Variants in ABL1 observed in about 807,000 individuals in gnomAD.
ABL1 encodes ABL proto-oncogene 1, non-receptor tyrosine kinase.
ABL1 carries 11 observed loss-of-function variants against 94.7 expected under a neutral mutation model. That is an observed-to-expected ratio of 0.12 (90% CI 0.07 to 0.19). The LOEUF is 0.19. Among genes scored for constraint, ABL1 ranks in the 10% least tolerant of loss-of-function variants. The pLI is 1.00. For missense variants in ABL1, 1,082 were observed against 1,489.4 expected (o/e 0.73, Z 4.50); for synonymous variants, 656 against 622.4 (o/e 1.05, Z -0.80).
chr9:130,718,190 C>T (rs1465193984), intron 1 of ABL1, among the ~76,000 whole-genome samples: 2 of 148,414 alleles, frequency 1.3e-5, no homozygotes, highest in Non-Finnish European at 3.0e-5. Flanking sequence ...TGGTGGCATG[C>T]ACCTGTAATC....
rs1370938332 is a variant in ABL1 at position 130,770,654 on chromosome 9, T to A, written c.136+56199T>A. 2.6e-5 allele frequency among the ~76,000 whole-genome samples: 4 copies of A among 152,366 alleles called. No individual in the cohort carries two copies. The South Asian group carries it at 8.3e-4, about 32-fold the overall frequency. On this transcript the variant is annotated intron_variant, in intron 1 of 10. Transcript: ENST00000372348. ...TAGTGCTTACTGTGTGCAGGCACTG[T>A]TCTAAATATTGCTTTCAAATATTTA...
At chr9:130,832,974 T>C (rs2855190), upstream of ABL1, among the ~76,000 whole-genome samples, 33,200 of 152,180 alleles carry the variant, frequency 0.22, 4,456 homozygotes, top group African/African-American at 0.38. Context: ...TGTTGATGTA[T>C]GGTTTTATAA....
chr9:130,859,903 A>T (rs958150798), intron 3 of ABL1, among the ~76,000 whole-genome samples: 1 of 151,020 alleles, frequency 6.6e-6, no homozygotes, highest in Non-Finnish European at 1.5e-5. Flanking sequence ...CTGGTTTCGA[A>T]CGCCTGACCT....
At chr9:130,865,003 G>A (rs1033508186) in intron 4 of ABL1, among the ~76,000 whole-genome samples, 1 of 152,190 alleles carries the variant, frequency 6.6e-6, no homozygotes, top group Non-Finnish European at 1.5e-5. Flanking sequence ...ATGGTGCTGT[G>A]GCATTGTTTT....
intron 3 of ABL1, among the ~76,000 whole-genome samples, chr9:130,858,815 A>G (rs1049627718): frequency 2.0e-5 from 3 of 152,122 alleles, no homozygotes; most frequent in African/African-American, 7.2e-5. Context: ...AATTTAGAAG[A>G]TTCTTCTGTA....
At chr9:130,855,171 A>C in intron 3 of ABL1, 75 bp downstream of exon 3, 1 of 1,476,708 alleles carries the variant, frequency 6.8e-7, no homozygotes, top group Non-Finnish European at 9.1e-7. Context: ...GGATTGATAA[A>C]TTATTGCAAG....
At chr9:130,728,248 T>TTTTTTTTTTTG (rs1554757228) in intron 1 of ABL1, among the ~76,000 whole-genome samples, 1 of 148,626 alleles carries the variant, frequency 6.7e-6, no homozygotes, top group African/African-American at 2.5e-5. Context: ...TTTTTTTTTT[T>TTTTTTTTTTTG]GTGGAGACGG....
At chr9:130,826,400 C>T (rs1336106778) in intron 1 of ABL1, among the ~76,000 whole-genome samples, 1 of 152,026 alleles carries the variant, frequency 6.6e-6, no homozygotes, top group Non-Finnish European at 1.5e-5. Flanking sequence ...GGATTACAGG[C>T]ATGAGCCACC....
At chr9:130,839,747 G>A (rs1319855207) in intron 1 of ABL1, among the ~76,000 whole-genome samples, 1 of 152,156 alleles carries the variant, frequency 6.6e-6, no homozygotes, top group African/African-American at 2.4e-5. Flanking sequence ...GATGATTGAG[G>A]GAAAGCTCTG....
At chr9:130,780,299 G>A (rs1187733585) in intron 1 of ABL1, among the ~76,000 whole-genome samples, 1 of 151,978 alleles carries the variant, frequency 6.6e-6, no homozygotes, top group Non-Finnish European at 1.5e-5. Flanking sequence ...AAAAGAAATT[G>A]AACAGCCCAT....
intron 1 of ABL1, among the ~76,000 whole-genome samples, chr9:130,741,946 A>G (rs1048908819): frequency 3.3e-5 from 5 of 152,216 alleles, no homozygotes; most frequent in African/African-American, 4.8e-5. Flanking sequence ...GCCCCTTAAC[A>G]GATCAGTGCC....
At chr9:130,813,333 G>A (rs577984257) in intron 1 of ABL1, among the ~76,000 whole-genome samples, 15 of 151,924 alleles carry the variant, frequency 9.9e-5, no homozygotes, top group South Asian at 4.2e-4. Flanking sequence ...AGGCTGAGGC[G>A]GGCGGATCAC....
At chr9:130,759,850 T>C (rs1160810998) in intron 1 of ABL1, among the ~76,000 whole-genome samples, 2 of 152,116 alleles carry the variant, frequency 1.3e-5, no homozygotes, top group Non-Finnish European at 2.9e-5. Context: ...TGGAGTGCAG[T>C]GGCACAGTTA....
chr9:130,867,931 C>G (rs1216758889), intron 4 of ABL1, among the ~76,000 whole-genome samples: 6 of 141,876 alleles, frequency 4.2e-5, no homozygotes, highest in African/African-American at 1.7e-4. Flanking sequence ...CTCTATCCCT[C>G]CAGTGGTTTT....
chr9:130,823,309 A>G (rs2132880714), intron 1 of ABL1, among the ~76,000 whole-genome samples: 1 of 152,256 alleles, frequency 6.6e-6, no homozygotes. Context: ...GACTGTTTCA[A>G]ACACCTCTCC....
intron 7 of ABL1, among the ~76,000 whole-genome samples, chr9:130,875,901 C>T (rs1393203926): frequency 1.3e-5 from 2 of 152,198 alleles, no homozygotes. Flanking sequence ...GATCTTGGCT[C>T]ACTGCAACCT....
intron 1 of ABL1, among the ~76,000 whole-genome samples, chr9:130,823,357 G>T (rs1392459163): frequency 6.6e-6 from 1 of 152,144 alleles, no homozygotes; most frequent in Non-Finnish European, 1.5e-5. Flanking sequence ...GAAAACAAAA[G>T]ATTGATTTGG....
rs34336752 is a variant in ABL1 at position 130,731,031 on chromosome 9, G to A, written c.136+16576G>A. ...TTTTTTTTTTTTTTTTTTTGAGACA[G>A]AGTCTTGCTCTGTCACTCAGGCTGG... On this transcript the variant is annotated intron_variant, in intron 1 of 10. Coordinates refer to the ABL1 transcript ENST00000372348. Among the ~76,000 whole-genome samples, 946 of 95,724 alleles carry A rather than the reference G, an allele frequency of 9.9e-3. 12 individuals are homozygous for A. The highest frequency in any genetic ancestry group is 0.036 in the African/African-American group (880 of 24,512). 62.8% of individuals were successfully genotyped at this position (95,724 alleles called of 152,430 possible).
chr9:130,885,934 C>T lies in ABL1; in HGVS notation c.*251C>T, dbSNP rs13287259. ...AATTTTATCTGTGGAGTTCCTGCTCCGTGGACTGCAGTCGGCATGCCAGGA... is the reference window on the plus strand; with the variant it reads ...AATTTTATCTGTGGAGTTCCTGCTCTGTGGACTGCAGTCGGCATGCCAGGA... On this transcript the variant is annotated 3_prime_UTR_variant, in exon 11 of 11. Transcript: ENST00000318560. The T allele has an allele frequency of 3.4e-3, 1,741 of 512,042 alleles. 5 individuals are homozygous for T. The highest frequency in any genetic ancestry group is 5.2e-3 in the Middle Eastern group (10 of 1,916). The allele number at this position is 512,042 out of a possible 1,614,324, so 31.7% of individuals were successfully genotyped here.
Sources: gnomAD v4.1 joint callset for allele counts (sites outside exome capture counted in the v4.1 genomes callset) on GRCh38, gnomAD v4.1.1 for gene constraint, MANE v1.5 for transcripts, NCBI Gene and HGNC (gene_info 2026-07-23, HGNC 2026-07-21) for gene names.